The following PHPT1 variants were observed in gnomAD, a reference collection of about 807,000 sequenced individuals.
The protein encoded by PHPT1 is 14 kDa phosphohistidine phosphatase.
In PHPT1, 16 loss-of-function variants were observed where a neutral mutation model predicts 15.6. The ratio of observed to expected loss-of-function variants is 1.03; its 90% CI spans 0.70 to 1.56. The LOEUF is 1.56. Among genes scored for constraint, PHPT1 ranks in the 40% most tolerant of loss-of-function variants. PHPT1 has a pLI of 0.00. For synonymous variants in PHPT1, 102 were observed against 68.1 expected, an observed-to-expected ratio of 1.50 and a Z score of -2.45; for missense variants, 228 against 171.0, an observed-to-expected ratio of 1.33 and a Z score of -1.86.
At position 136,850,107 on chromosome 9, in the gene PHPT1, C is replaced by G; in HGVS notation, c.255C>G (p.Asp85Glu). The change falls in exon 2 of 3, where the codon GAC (aspartate) becomes GAG (glutamate). Residue 85 changes from aspartate to glutamate, a missense_variant. Physicochemically the swap from Asp to Glu is conservative, Grantham distance 45. Coordinates refer to ENST00000247665, the MANE Select transcript of PHPT1 (RefSeq NM_014172.6). ...GGGRISHQSQ[D>E]KKIHVYGYSM... ...GGCGCATCTCCCACCAGAGTCAGGA[C>G]AAGAAGATTCACGTGTACGGCTATT... 6.2e-7 allele frequency: 1 copy of G among 1,613,196 alleles called. No homozygotes were observed. The highest frequency in any genetic ancestry group is 1.7e-5 in the Admixed American group (1 of 60,016).
At chr9:136,849,946 C>G (rs1848863789) in intron 1 of PHPT1, 67 bp from the exon 2 acceptor site, 1 of 1,533,342 alleles carries the variant, frequency 6.5e-7, no homozygotes, top group Admixed American at 1.8e-5. Flanking sequence ...ACCCCTTCGG[C>G]TGGGAGTTCC....
Position 136,849,607 on chromosome 9 carries a change from C to G in PHPT1, c.160+17C>G. 1.7e-6 allele frequency: 2 copies of G among 1,162,384 alleles called. No individual in the cohort carries two copies. The highest frequency in any genetic ancestry group is 1.1e-6 in the Non-Finnish European group (1 of 885,844). 72.0% of individuals were successfully genotyped at this position (1,162,384 alleles called of 1,614,324 possible). ...AGTACCATGGTGAGGGCGGGACCTGCGGGCATGCCAGGGGCACGCCTGGCG... is the reference window on the plus strand; with the variant it reads ...AGTACCATGGTGAGGGCGGGACCTGGGGGCATGCCAGGGGCACGCCTGGCG... On this transcript the variant is annotated intron_variant, in intron 1 of 2. Coordinates refer to ENST00000247665, the MANE Select transcript of PHPT1 (RefSeq NM_014172.6).
rs1848846675 is a variant in PHPT1 at position 136,849,483 on chromosome 9, GCGT to G, written c.55_57del (p.Val19del). The G allele has an allele frequency of 6.2e-7, 1 of 1,611,422 alleles. No homozygotes were observed. The highest frequency in any genetic ancestry group is 1.3e-5 in the African/African-American group (1 of 74,844). ...CCTGATGTGGACATCGACTCCGACG[GCGT>G]CTTCAAGTATGTGCTGATCCGAGTC... On this transcript the variant is annotated inframe_deletion, in exon 1 of 3. Transcript: ENST00000247665.
Position 136,850,798 on chromosome 9 carries a change from A to G in PHPT1, c.329A>G (p.Lys110Arg). The change falls in exon 3 of 3, where the codon AAA becomes AGA. Residue 110 changes from lysine (K) to arginine (R), a missense_variant. Transcript: ENST00000247665. ...CACGCCATTTCAACTGAGAAAATCA[A>G]AGCCAAGTACCCCGACTACGAGGTC... ...AQHAISTEKI[K>R]AKYPDYEVTW... The G allele has an allele frequency of 1.2e-6, 2 of 1,613,216 alleles. No individual in the cohort carries two copies. Among genetic ancestry groups the G allele is most frequent in the Non-Finnish European group, 1.7e-6 (2 of 1,179,944 alleles).
At position 136,850,740 on chromosome 9, in the gene PHPT1, T is replaced by C. The variant is rs2131227144; in HGVS notation, c.286-15T>C. On this transcript the variant is annotated splice_polypyrimidine_tract_variant and intron_variant, in intron 2 of 2. Coordinates refer to ENST00000247665, the MANE Select transcript of PHPT1 (RefSeq NM_014172.6). ...AGGGTCCAGGTAGTGCCAGCAGGCG[T>C]CTTCTCTTCTCCAGGCCTATGGTCC... 2 of 1,607,540 alleles carry C rather than the reference T, an allele frequency of 1.2e-6. No homozygotes were observed. The highest frequency in any genetic ancestry group is 2.2e-5 in the East Asian group (1 of 44,848).
At chr9:136,850,687 G>A in intron 2 of PHPT1, 68 bp from the exon 3 acceptor site, 2 of 1,496,230 alleles carry the variant, frequency 1.3e-6, no homozygotes, top group Non-Finnish European at 1.9e-6. Flanking sequence ...GCTGGTGGCT[G>A]GATGCCCAGA....
Position 136,850,680 on chromosome 9 carries a change from G to T in PHPT1, c.286-75G>T, listed in dbSNP as rs1047703165. On this transcript the variant is annotated intron_variant, in intron 2 of 2. Coordinates refer to ENST00000247665, the MANE Select transcript of PHPT1 (RefSeq NM_014172.6). ...TCCCACACTCGCTTCTGGTGTGGCT[G>T]GTGGCTGGATGCCCAGAGCCGGGTA... 6.7e-6 allele frequency: 10 copies of T among 1,488,666 alleles called. No homozygotes were observed. The African/African-American group carries it at 1.2e-4, about 19-fold the overall frequency. 92.2% of individuals were successfully genotyped at this position (1,488,666 alleles called of 1,614,324 possible). A position where few individuals can be genotyped will look rare whatever the true frequency, so the allele number is the denominator to read the frequency against.
At chr9:136,850,699 C>T (rs1238048279) in intron 2 of PHPT1, 56 bp from the exon 3 acceptor site, 3 of 1,525,080 alleles carry the variant, frequency 2.0e-6, no homozygotes, top group Middle Eastern at 1.7e-4. Flanking sequence ...ATGCCCAGAG[C>T]CGGGTATCGG....
chr9:136,850,190 GC>G (rs1848874845), intron 2 of PHPT1, 53 bp downstream of exon 2: 6 of 1,609,060 alleles, frequency 3.7e-6, no homozygotes, highest in Non-Finnish European at 5.1e-6. Flanking sequence ...CAGCTTCGAG[GC>G]CCACCTGAGC....
chr9:136,850,840 G>A lies in PHPT1; in HGVS notation c.371G>A (p.Gly124Asp). Residue 124 changes from glycine (G) to aspartate (D), a missense_variant, in exon 3 of 3, where the codon GGC becomes GAC. Gly to Asp is a moderately conservative substitution (Grantham distance 94). Coordinates refer to ENST00000247665, the MANE Select transcript of PHPT1 (RefSeq NM_014172.6). The stretch of plus-strand genomic sequence containing the variant: ...TACGAGGTCACCTGGGCTAACGACG[G>A]CTACTGAGCACTCCCAGCCCGGGGC... ...PDYEVTWAND[G>D]Y 6.2e-7 allele frequency: 1 copy of A among 1,612,322 alleles called. No homozygotes were observed. The highest frequency in any genetic ancestry group is 8.5e-7 in the Non-Finnish European group (1 of 1,179,340).
rs768887372 is a variant in PHPT1 at position 136,850,104 on chromosome 9, G to A, written c.252G>A (p.Gln84=). Residue 84 remains glutamine, a synonymous_variant, in exon 2 of 3, where the codon CAG becomes CAA. Transcript: ENST00000247665. ...LGGGRISHQS[Q]DKKIHVYGYS... is the part of the protein sequence containing the mutation. ...GCGGGCGCATCTCCCACCAGAGTCA[G>A]GACAAGAAGATTCACGTGTACGGCT... 3.7e-6 allele frequency: 6 copies of A among 1,613,114 alleles called. No individual in the cohort carries two copies. The highest frequency in any genetic ancestry group is 3.3e-5 in the Admixed American group (2 of 59,996).
chr9:136,849,986 C>A, intron 1 of PHPT1, 27 bp from the exon 2 acceptor site: 3 of 1,598,548 alleles, frequency 1.9e-6, no homozygotes, highest in Non-Finnish European at 2.6e-6. Flanking sequence ...GGCCAGGGCA[C>A]GTCCTGAGGC....
chr9:136,849,757 T>C, intron 1 of PHPT1, 167 bp downstream of exon 1: 2 of 776,680 alleles, frequency 2.6e-6, no homozygotes, highest in Non-Finnish European at 1.9e-6. Flanking sequence ...CCCTGCTAGG[T>C]TTGACCCAGG....
rs774675816 is a variant in PHPT1 at position 136,850,105 on chromosome 9, G to A, written c.253G>A (p.Asp85Asn). The A allele has an allele frequency of 3.1e-6, 5 of 1,613,222 alleles. No individual in the cohort carries two copies. Among genetic ancestry groups the A allele is most frequent in the African/African-American group, 2.7e-5 (2 of 75,046 alleles). Reference sequence around the variant, plus strand: ...CGGGCGCATCTCCCACCAGAGTCAGGACAAGAAGATTCACGTGTACGGCTA... The same window carrying A: ...CGGGCGCATCTCCCACCAGAGTCAGAACAAGAAGATTCACGTGTACGGCTA... ...GGGRISHQSQ[D>N]KKIHVYGYSM... Residue 85 changes from aspartate to asparagine, a missense_variant, in exon 2 of 3, where the codon GAC becomes AAC. Transcript: ENST00000247665.
At position 136,849,987 on chromosome 9, in the gene PHPT1, G is replaced by A. The variant is rs765549358; in HGVS notation, c.161-26G>A. On this transcript the variant is annotated intron_variant, in intron 1 of 2. Transcript: ENST00000247665. Reference sequence around the variant, plus strand: ...CGGCCTCCAAGGGCGGCCAGGGCACGTCCTGAGGCCGCCCTCCCATCCCAG... The same window carrying A: ...CGGCCTCCAAGGGCGGCCAGGGCACATCCTGAGGCCGCCCTCCCATCCCAG... 3.1e-6 allele frequency: 5 copies of A among 1,599,700 alleles called. No individual in the cohort carries two copies. In the East Asian group the frequency reaches 6.7e-5, roughly 21 times the overall value.
At chr9:136,850,653 T>C in intron 2 of PHPT1, 102 bp from the exon 3 acceptor site, 1 of 1,492,686 alleles carries the variant, frequency 6.7e-7, no homozygotes, top group South Asian at 1.1e-5. Flanking sequence ...TGCCTATCCC[T>C]TTCCCACACT....
intron 2 of PHPT1, 182 bp downstream of exon 2, chr9:136,850,319 C>G (rs576842505): frequency 1.2e-5 from 10 of 858,736 alleles, no homozygotes; most frequent in African/African-American, 8.4e-5. Context: ...CCATGGAGCA[C>G]ACGCCAGACC....
At chr9:136,850,664 C>A (rs894893608) in intron 2 of PHPT1, 91 bp from the exon 3 acceptor site, 2 of 1,479,248 alleles carry the variant, frequency 1.4e-6, no homozygotes, top group Admixed American at 1.7e-5. Flanking sequence ...TTCCCACACT[C>A]GCTTCTGGTG....
chr9:136,850,701 G>A (rs1301730263), intron 2 of PHPT1, 54 bp from the exon 3 acceptor site: 16 of 1,527,334 alleles, frequency 1.0e-5, no homozygotes, highest in Middle Eastern at 1.7e-4. Context: ...GCCCAGAGCC[G>A]GGTATCGGGT....
Sources: allele counts gnomAD v4.1 joint callset, GRCh38; gene constraint gnomAD v4.1.1; transcripts MANE v1.5; gene names NCBI Gene and HGNC (gene_info 2026-07-23, HGNC 2026-07-21).